Variants in ZNF783 observed in about 807,000 individuals in gnomAD.
The protein encoded by ZNF783 is zinc finger protein 783.
ZNF783 carries 25 observed loss-of-function variants against 31.3 expected under a neutral mutation model. The ratio of observed to expected loss-of-function variants is 0.80; its 90% confidence interval spans 0.58 to 1.11. ZNF783 has a LOEUF of 1.11. Ranked by LOEUF, ZNF783 falls within the 50% of genes most tolerant of loss-of-function variation. The pLI, the probability that ZNF783 is intolerant of heterozygous loss-of-function variation, is 0.00. For synonymous variants in ZNF783, 369 were observed against 319.1 expected, an observed-to-expected ratio of 1.16 and a Z score of -1.66; for missense variants, 797 against 760.0, an observed-to-expected ratio of 1.05 and a Z score of -0.57.
rs771226215 is a variant in ZNF783 at position 149,266,523 on chromosome 7, G to C, written c.213G>C (p.Thr71=). 6.2e-7 allele frequency: 1 copy of C among 1,614,080 alleles called. No homozygotes were observed. Among genetic ancestry groups the C allele is most frequent in the East Asian group, 2.2e-5 (1 of 44,882 alleles). Residue 71 remains threonine, a synonymous_variant, in exon 2 of 6, where the codon ACG becomes ACC. Transcript: ENST00000434415. Reference sequence around the variant, plus strand: ...GCTTGCTGACTCTGGAGGGGCGCACGGGGACAGCCGAGAAGAAGCTGGCCG... The same window carrying C: ...GCTTGCTGACTCTGGAGGGGCGCACCGGGACAGCCGAGAAGAAGCTGGCCG... The part of the protein sequence containing the change: ...LTRLLTLEGR[T]GTAEKKLADC...
chr7:149,280,575 G>A (rs942975094), intron 5 of ZNF783, among the ~76,000 whole-genome samples: 23 of 152,208 alleles, frequency 1.5e-4, no homozygotes, highest in African/African-American at 4.6e-4. Flanking sequence ...GTCTGGCCTG[G>A]CTGGAAAGGC....
rs1005456442 is a variant in ZNF783 at position 149,266,659 on chromosome 7, G to A, written c.349G>A (p.Glu117Lys). The change falls in exon 2 of 6, where the codon GAG becomes AAG. Residue 117 changes from glutamate to lysine, a missense_variant. Coordinates refer to ENST00000434415, the MANE Select transcript of ZNF783 (RefSeq NM_001195220.2). ...GCTGCAGAGGCGGCTGGAGAATGTG[G>A]AGAACTTGCTGCGCAACAGGAACTT... ...GLLQRRLENV[E>K]NLLRNRNFWI... 1.2e-6 allele frequency: 2 copies of A among 1,614,160 alleles called. No individual in the cohort carries two copies. Among genetic ancestry groups the A allele is most frequent in the Non-Finnish European group, 1.7e-6 (2 of 1,180,026 alleles).
chr7:149,282,214 C>G lies in ZNF783; in HGVS notation c.1512C>G (p.Asn504Lys). ...GCCCCCAGTGTGGCCGGACCTTCAA[C>G]CGCAACCACCACCTGGCCGTGCACA... ...YQCPQCGRTF[N>K]RNHHLAVHMQ... The change falls in exon 6 of 6, where the codon AAC becomes AAG. Residue 504 changes from asparagine to lysine, a missense_variant. Asn to Lys is a moderately conservative substitution (Grantham distance 94, BLOSUM62 0). Transcript: ENST00000434415. 1 of 1,599,240 alleles carries G rather than the reference C, an allele frequency of 6.3e-7. No homozygotes were observed. The highest frequency in any genetic ancestry group is 1.7e-5 in the Admixed American group (1 of 60,000).
At chr7:149,265,807 G>A (rs568705403) in intron 1 of ZNF783, among the ~76,000 whole-genome samples, 23 of 152,288 alleles carry the variant, frequency 1.5e-4, no homozygotes, top group African/African-American at 5.5e-4. Flanking sequence ...CAGTGCTATT[G>A]TATAGGTACT....
At chr7:149,276,736 A>G (rs938845479) in intron 4 of ZNF783, 29 of 562,382 alleles carry the variant, frequency 5.2e-5, no homozygotes, top group East Asian at 1.4e-4. Flanking sequence ...AACTGGCACA[A>G]TCATGGCTCA....
In ZNF783 at chr7:149,282,363, G is replaced by A. The variant is rs578019845; in HGVS notation, c.*20G>A. ...GGCTGACCTGGCAGGAGCCCACAGA[G>A]GACCCCTGGCGGGGTCTCTCCCCTG... On this transcript the variant is annotated 3_prime_UTR_variant, in exon 6 of 6. Coordinates refer to ENST00000434415, the MANE Select transcript of ZNF783 (RefSeq NM_001195220.2). 28 of 1,468,136 alleles carry A rather than the reference G, an allele frequency of 1.9e-5. No homozygotes were observed. The East Asian group carries it at 5.5e-4, about 29-fold the overall frequency. 90.9% of individuals were successfully genotyped at this position (1,468,136 alleles called of 1,614,324 possible).
At chr7:149,279,147 C>T (rs1484951002) in intron 5 of ZNF783, among the ~76,000 whole-genome samples, 1 of 152,252 alleles carries the variant, frequency 6.6e-6, no homozygotes, top group Non-Finnish European at 1.5e-5. Context: ...CTTTCAGTCT[C>T]TGGTTGCTTT....
chr7:149,278,064 C>A, intron 4 of ZNF783: 1 of 796,490 alleles, frequency 1.3e-6, no homozygotes, highest in Non-Finnish European at 1.6e-6. Flanking sequence ...GGCCCGACTG[C>A]GGGAGGTGGT....
In ZNF783 at chr7:149,266,871, G is replaced by T; in HGVS notation, c.473G>T (p.Gly158Val). ...GTGTATTTCTCTGAGCTGGAGTGGG[G>T]CAAGCTGGAGGACTGGCAGAAGGAG... ...VAVYFSELEW[G>V]KLEDWQKELY... Residue 158 changes from glycine (G) to valine (V), a missense_variant, in exon 3 of 6, where the codon GGC becomes GTC. Coordinates refer to ENST00000434415, the MANE Select transcript of ZNF783 (RefSeq NM_001195220.2). 1 of 1,614,106 alleles carries T rather than the reference G, an allele frequency of 6.2e-7. No individual in the cohort carries two copies. The highest frequency in any genetic ancestry group is 1.1e-5 in the South Asian group (1 of 91,078).
At chr7:149,266,228 A>G in intron 1 of ZNF783, 107 bp from the exon 2 acceptor site, 1 of 1,333,444 alleles carries the variant, frequency 7.5e-7, no homozygotes, top group Non-Finnish European at 9.9e-7. Flanking sequence ...TCAGGAGCCC[A>G]GATGGGACTT....
intron 4 of ZNF783, among the ~76,000 whole-genome samples, chr7:149,274,769 T>TA (rs1797289283): frequency 6.6e-6 from 1 of 152,264 alleles, no homozygotes; most frequent in Admixed American, 6.5e-5. Context: ...TGTCTTTTTT[T>TA]ATGCCATTAC....
rs762359014 is a variant in ZNF783, at chr7:149,267,216, G to A, written c.667G>A (p.Gly223Ser). 1.3e-6 allele frequency: 2 copies of A among 1,593,974 alleles called. No individual in the cohort carries two copies. Among genetic ancestry groups the A allele is most frequent in the South Asian group, 2.2e-5 (2 of 90,056 alleles). ...EVEVGRPRMM[G>S]TGLPPYPEHL... Reference sequence around the variant, plus strand: ...AGAGGTGGGACGTCCAAGGATGATGGGCACTGGTAAGTATAGGAGCCAGAT... The same window carrying A: ...AGAGGTGGGACGTCCAAGGATGATGAGCACTGGTAAGTATAGGAGCCAGAT... Residue 223 changes from glycine (G) to serine (S), a missense_variant, in exon 4 of 6, where the codon GGC (glycine) becomes AGC (serine). Gly to Ser is a moderately conservative substitution (Grantham distance 56). Transcript: ENST00000434415.
chr7:149,278,808 G>T (rs1255536724), intron 5 of ZNF783, among the ~76,000 whole-genome samples: 1 of 152,062 alleles, frequency 6.6e-6, no homozygotes, highest in African/African-American at 2.4e-5. Context: ...TGGAGTGAGG[G>T]GAGGGGGTAG....
chr7:149,263,442 CCCAAT>C (rs1322904927), intron 1 of ZNF783, among the ~76,000 whole-genome samples: 1 of 151,206 alleles, frequency 6.6e-6, no homozygotes, highest in Non-Finnish European at 1.5e-5. Context: ...GCCTCAGCCT[CCCAAT>C]CCCAAGTAGC....
chr7:149,277,561 A>G (rs1052471899), intron 4 of ZNF783, among the ~76,000 whole-genome samples: 1 of 152,056 alleles, frequency 6.6e-6, no homozygotes, highest in Non-Finnish European at 1.5e-5. Flanking sequence ...AAGATGGTGG[A>G]ACCCCGTCTC....
At chr7:149,279,571 G>A (rs1797410998) in intron 5 of ZNF783, among the ~76,000 whole-genome samples, 1 of 152,190 alleles carries the variant, frequency 6.6e-6, no homozygotes, top group Admixed American at 6.5e-5. Flanking sequence ...GCCGGTGTTG[G>A]GAGAGGCCCT....
chr7:149,282,582 AT>A lies in ZNF783; in HGVS notation c.*244del. 1 of 475,556 alleles carries A rather than the reference AT, an allele frequency of 2.1e-6. No homozygotes were observed. The allele number at this position is 475,556 out of a possible 1,614,324, so 29.5% of individuals were successfully genotyped here. On this transcript the variant is annotated 3_prime_UTR_variant, in exon 6 of 6. Coordinates refer to ENST00000434415, the MANE Select transcript of ZNF783 (RefSeq NM_001195220.2). ...TGCCTTAAGGCTTAAGGGATGCCAT[AT>A]TTTTGATAAGGCCTCTGGTAGGTAC... is the stretch of plus-strand genomic sequence containing the variant.
At chr7:149,272,408 C>T (rs1160842553) in intron 4 of ZNF783, among the ~76,000 whole-genome samples, 1 of 152,168 alleles carries the variant, frequency 6.6e-6, no homozygotes, top group Non-Finnish European at 1.5e-5. Context: ...CCAAATTCCC[C>T]TCCATAGGGC....
intron 4 of ZNF783, among the ~76,000 whole-genome samples, chr7:149,272,925 T>C (rs1797241636): frequency 6.6e-6 from 1 of 150,558 alleles, no homozygotes; most frequent in Non-Finnish European, 1.5e-5. Flanking sequence ...TCAGTAACCA[T>C]CATTCAACTT....
Sources: gnomAD v4.1 joint callset for allele counts (sites outside exome capture counted in the v4.1 genomes callset) on GRCh38, gnomAD v4.1.1 for gene constraint, MANE v1.5 for transcripts, NCBI Gene and HGNC (gene_info 2026-07-23, HGNC 2026-07-21) for gene names.